PCSK5: variants seen among roughly 807,000 people sequenced by gnomAD.
PCSK5 encodes the protein prohormone convertase 5.
A neutral mutation model predicts 233.2 loss-of-function variants in PCSK5; 129 were observed. That is an observed-to-expected ratio of 0.55 (90% CI 0.48 to 0.64). PCSK5 has a LOEUF of 0.64. Among genes scored for constraint, PCSK5 ranks in the 30% least tolerant of loss-of-function variants. The pLI, the probability that PCSK5 is intolerant of heterozygous loss-of-function variation, is 0.00. For synonymous variants in PCSK5, 825 were observed against 879.2 expected, an observed-to-expected ratio of 0.94 and a Z score of 1.09; for missense variants, 2,076 against 2,430.1, an observed-to-expected ratio of 0.85 and a Z score of 3.06.
chr9:76,320,755 T>C (rs1158204276), intron 30 of PCSK5, among the ~76,000 whole-genome samples: 1 of 151,634 alleles, frequency 6.6e-6, no homozygotes, highest in East Asian at 2.0e-4. Flanking sequence ...ATTACAGGCA[T>C]GAGCCACCCT....
At chr9:76,112,671 T>A (rs1832271541) in intron 9 of PCSK5, among the ~76,000 whole-genome samples, 1 of 152,174 alleles carries the variant, frequency 6.6e-6, no homozygotes, top group Non-Finnish European at 1.5e-5. Context: ...AATTAAAGCA[T>A]CATACTAGGC....
Position 76,233,490 on chromosome 9 carries a change from C to T in PCSK5, c.2760C>T (p.Asn920=). Reference sequence around the variant, plus strand: ...TTGATGATGGCCGCTGTGTTTCGAACTGCCCCTCATGGAAATTTGAATTTG... The same window carrying T: ...TTGATGATGGCCGCTGTGTTTCGAATTGCCCCTCATGGAAATTTGAATTTG... ...RIFDDGRCVS[N]CPSWKFEFEN... is the part of the protein sequence containing the mutation. The change falls in exon 22 of 38, where the codon AAC becomes AAT. Residue 920 remains asparagine, a synonymous_variant. Coordinates refer to ENST00000674117, the MANE Select transcript of PCSK5 (RefSeq NM_001372043.1). The T allele has an allele frequency of 3.7e-6, 6 of 1,612,778 alleles. No individual in the cohort carries two copies. The highest frequency in any genetic ancestry group is 5.1e-6 in the Non-Finnish European group (6 of 1,179,824).
At chr9:75,963,982 G>A (rs1048731758) in intron 2 of PCSK5, among the ~76,000 whole-genome samples, 4 of 152,230 alleles carry the variant, frequency 2.6e-5, no homozygotes, top group African/African-American at 7.2e-5. Flanking sequence ...ACATTTTTAC[G>A]TGGCCTTGGA....
intron 1 of PCSK5, among the ~76,000 whole-genome samples, chr9:75,921,097 G>A (rs934045953): frequency 1.3e-5 from 2 of 152,104 alleles, no homozygotes; most frequent in Admixed American, 1.3e-4. Context: ...ATATTTAAAT[G>A]GAGATTGCAG....
chr9:76,209,935 G>A (rs746091444), intron 20 of PCSK5, among the ~76,000 whole-genome samples: 2 of 152,156 alleles, frequency 1.3e-5, no homozygotes, highest in Non-Finnish European at 2.9e-5. Context: ...ACTTTGAGTT[G>A]TAGAGAATGA....
chr9:76,289,187 G>T, intron 24 of PCSK5, among the ~76,000 whole-genome samples: 1 of 151,990 alleles, frequency 6.6e-6, no homozygotes, highest in Non-Finnish European at 1.5e-5. Flanking sequence ...ACAGAAAGAC[G>T]GCATCCCCGT....
intron 3 of PCSK5, among the ~76,000 whole-genome samples, chr9:76,022,514 T>C (rs1354585812): frequency 1.3e-5 from 2 of 152,138 alleles, no homozygotes; most frequent in South Asian, 2.1e-4. Flanking sequence ...TATGGAATTA[T>C]GTAGCAGCAC....
intron 30 of PCSK5, among the ~76,000 whole-genome samples, chr9:76,320,465 CTTT>C (rs140154837): frequency 0.04 from 4,060 of 101,988 alleles, 170 homozygotes; most frequent in Non-Finnish European, 0.046. Flanking sequence ...TACATTGTAG[CTTT>C]TTTTTTTTTT....
At chr9:76,101,865 C>T (rs1279251321) in intron 8 of PCSK5, among the ~76,000 whole-genome samples, 1 of 152,132 alleles carries the variant, frequency 6.6e-6, no homozygotes, top group Non-Finnish European at 1.5e-5. Context: ...CTTCTACCAC[C>T]CGATTCATTT....
At chr9:76,019,260 CTT>C (rs34354774) in intron 3 of PCSK5, among the ~76,000 whole-genome samples, 1 of 149,152 alleles carries the variant, frequency 6.7e-6, no homozygotes, top group African/African-American at 2.5e-5. Flanking sequence ...AATATCAATT[CTT>C]TTTTTTTTTA....
intron 24 of PCSK5, among the ~76,000 whole-genome samples, chr9:76,241,650 T>C (rs1290115606): frequency 1.3e-5 from 2 of 152,186 alleles, no homozygotes; most frequent in Non-Finnish European, 2.9e-5. Context: ...TGGAGACAGT[T>C]TGTTAACCAC....
chr9:76,314,012 T>C (rs1340274926), intron 30 of PCSK5, among the ~76,000 whole-genome samples: 1 of 152,246 alleles, frequency 6.6e-6, no homozygotes, highest in Admixed American at 6.5e-5. Flanking sequence ...AGTGGTAGGA[T>C]TGAACTGGTT....
chr9:75,929,998 G>T (rs1228001144), intron 1 of PCSK5, among the ~76,000 whole-genome samples: 1 of 152,082 alleles, frequency 6.6e-6, no homozygotes, highest in Non-Finnish European at 1.5e-5. Context: ...GAGTAGCTGG[G>T]ATTACAGGCA....
At chr9:75,985,221 G>T (rs1826457232) in intron 2 of PCSK5, among the ~76,000 whole-genome samples, 1 of 152,172 alleles carries the variant, frequency 6.6e-6, no homozygotes, top group South Asian at 2.1e-4. Flanking sequence ...TTGCCGTAAG[G>T]ATAATCTGTT....
rs567910476 is a variant in PCSK5, at chr9:75,994,982, G to T, written c.411+8737G>T. On this transcript the variant is annotated intron_variant, in intron 3 of 37. Transcript: ENST00000674117. ...TGCAATACTTTCTACTTCGCTTTCTGCTTTCAGCCCATAGGCTTTATTTTT... is the reference window on the plus strand; with the variant it reads ...TGCAATACTTTCTACTTCGCTTTCTTCTTTCAGCCCATAGGCTTTATTTTT... Among the ~76,000 whole-genome samples the T allele has an allele frequency of 6.2e-4, 95 of 152,284 alleles. 1 individual carries two copies. The South Asian group carries it at 8.5e-3, about 14-fold the overall frequency.
chr9:76,150,646 T>TA (rs1564063479), intron 10 of PCSK5, among the ~76,000 whole-genome samples: 1 of 151,912 alleles, frequency 6.6e-6, no homozygotes, highest in Non-Finnish European at 1.5e-5. Context: ...AATAAATAAA[T>TA]AATAAATAAA....
intron 14 of PCSK5, 125 bp from the exon 15 acceptor site, chr9:76,179,471 C>A (rs1384688506): frequency 9.7e-6 from 6 of 616,232 alleles, no homozygotes; most frequent in Non-Finnish European, 1.7e-5. Flanking sequence ...GACAATTATT[C>A]CTCTGTCTTA....
At chr9:76,148,213 CTT>C (rs1587687463) in intron 10 of PCSK5, among the ~76,000 whole-genome samples, 1 of 151,548 alleles carries the variant, frequency 6.6e-6, no homozygotes, top group African/African-American at 2.4e-5. Flanking sequence ...CTAGATCTCT[CTT>C]TGTTTTTAAT....
intron 27 of PCSK5, among the ~76,000 whole-genome samples, chr9:76,297,157 A>G (rs1374118327): frequency 6.6e-6 from 1 of 152,188 alleles, no homozygotes; most frequent in East Asian, 1.9e-4. Flanking sequence ...AAGCAAGTGA[A>G]GAGAGTCACG....
Sources: gnomAD v4.1 joint callset for allele counts (sites outside exome capture counted in the v4.1 genomes callset) on GRCh38, gnomAD v4.1.1 for gene constraint, MANE v1.5 for transcripts, NCBI Gene and HGNC (gene_info 2026-07-23, HGNC 2026-07-21) for gene names.